Variants in EFCAB6 observed in about 807,000 individuals in gnomAD.
EFCAB6 encodes EF-hand calcium-binding domain-containing protein 6.
Under a neutral mutation model 169.8 loss-of-function variants are expected in EFCAB6, and 156 were observed. The ratio of observed to expected loss-of-function variants is 0.92; its 90% CI spans 0.81 to 1.05. The LOEUF (loss-of-function observed/expected upper bound fraction) is 1.05, where lower values mean the gene tolerates loss of function less well. Among genes scored for constraint, EFCAB6 ranks in the 50% least tolerant of loss-of-function variants. EFCAB6 has a pLI of 0.00. For synonymous variants in EFCAB6, 698 were observed against 676.4 expected, an observed-to-expected ratio of 1.03 and a Z score of -0.50; for missense variants, 1,800 against 1,829.1, an observed-to-expected ratio of 0.98 and a Z score of 0.29.
At chr22:43,630,673 C>G (rs1463832915) in intron 19 of EFCAB6, among the ~76,000 whole-genome samples, 2 of 152,180 alleles carry the variant, frequency 1.3e-5, no homozygotes, top group Non-Finnish European at 2.9e-5. Flanking sequence ...GCTCCTGGAG[C>G]CTTTGCCTCC....
Position 43,540,365 on chromosome 22 carries a change from A to T in EFCAB6, c.3649-8T>A, listed in dbSNP as rs756480710. The T allele has an allele frequency of 6.2e-7, 1 of 1,613,968 alleles. No individual in the cohort carries two copies. The highest frequency in any genetic ancestry group is 1.1e-5 in the South Asian group (1 of 91,076). On this transcript the variant is annotated splice_polypyrimidine_tract_variant and splice_region_variant and intron_variant, in intron 27 of 31. Transcript: ENST00000262726. ...GTTCCAGAGTCTGTCAAACTGGAGA[A>T]GGAGCAGAAGTCATTTCCCAGGTGT...
chr22:43,636,095 T>C (rs765197167), intron 17 of EFCAB6, among the ~76,000 whole-genome samples: 21 of 152,240 alleles, frequency 1.4e-4, no homozygotes, highest in Middle Eastern at 3.4e-3. Context: ...TCTAAATGCA[T>C]CTATGGGCCA....
intron 17 of EFCAB6, among the ~76,000 whole-genome samples, chr22:43,649,676 T>C (rs558426441): frequency 2.0e-5 from 3 of 151,974 alleles, no homozygotes; most frequent in Non-Finnish European, 4.4e-5. Flanking sequence ...TGTTGGAATA[T>C]CTTGCAGATT....
chr22:43,530,951 G>T lies in EFCAB6; in HGVS notation c.4247C>A (p.Ala1416Glu). The change falls in exon 31 of 32, where the codon GCG (alanine) becomes GAG (glutamate). Residue 1416 changes from alanine to glutamate, a missense_variant. Coordinates refer to ENST00000262726, the MANE Select transcript of EFCAB6 (RefSeq NM_022785.4). Reference sequence around the variant, plus strand: ...AGCAGAGTAAAAAGATGGCGTCTCCGCGCCGGCTTCTTTCTAGACACAAGA... The same window carrying T: ...AGCAGAGTAAAAAGATGGCGTCTCCTCGCCGGCTTCTTTCTAGACACAAGA... The part of the protein sequence containing the change: ...QNAHKMKEAG[A>E]ETPSFYSALL... The T allele has an allele frequency of 6.2e-7, 1 of 1,614,086 alleles. No individual in the cohort carries two copies. Among genetic ancestry groups the T allele is most frequent in the Non-Finnish European group, 8.5e-7 (1 of 1,180,016 alleles).
chr22:43,664,278 C>G (rs1044370330), intron 17 of EFCAB6, among the ~76,000 whole-genome samples: 10 of 152,216 alleles, frequency 6.6e-5, no homozygotes, highest in Admixed American at 6.5e-4. Context: ...TCATTTAGGG[C>G]TGCACTGGGG....
chr22:43,560,927 A>C (rs570077786), intron 26 of EFCAB6, among the ~76,000 whole-genome samples: 1 of 152,318 alleles, frequency 6.6e-6, no homozygotes, highest in African/African-American at 2.4e-5. Flanking sequence ...GGAGAAGCAG[A>C]AGCAGCCCAA....
At chr22:43,577,136 G>A (rs2050308803) in intron 25 of EFCAB6, among the ~76,000 whole-genome samples, 1 of 152,190 alleles carries the variant, frequency 6.6e-6, no homozygotes, top group African/African-American at 2.4e-5. Context: ...AGCAGCGGGG[G>A]CACACGTTGT....
chr22:43,685,185 C>A (rs764880994), intron 11 of EFCAB6, among the ~76,000 whole-genome samples: 4 of 152,200 alleles, frequency 2.6e-5, no homozygotes, highest in Non-Finnish European at 5.9e-5. Context: ...GGAGATGCCT[C>A]TGGGTACCAA....
At chr22:43,719,301 G>A (rs2059441558) in intron 8 of EFCAB6, among the ~76,000 whole-genome samples, 1 of 152,196 alleles carries the variant, frequency 6.6e-6, no homozygotes, top group African/African-American at 2.4e-5. Context: ...TCTGAAGGAT[G>A]ATGCTACCCA....
At chr22:43,533,316 C>T (rs2047194087) in intron 30 of EFCAB6, 1 of 152,258 alleles carries the variant, frequency 6.6e-6, no homozygotes, top group African/African-American at 2.4e-5. Context: ...CTTTTAGTTC[C>T]AATGTTGACC....
At chr22:43,678,308 G>A (rs948540371) in intron 12 of EFCAB6, 145 bp from the exon 13 acceptor site, 2 of 679,964 alleles carry the variant, frequency 2.9e-6, no homozygotes, top group African/African-American at 1.8e-5. Flanking sequence ...ATCGACTGAT[G>A]ATCCTTACAT....
intron 23 of EFCAB6, among the ~76,000 whole-genome samples, chr22:43,590,564 C>G (rs2051418007): frequency 6.6e-6 from 1 of 152,116 alleles, no homozygotes; most frequent in Non-Finnish European, 1.5e-5. Flanking sequence ...GAAATACACA[C>G]TCATTCTCAA....
rs1483467112 is a variant in EFCAB6 at position 43,628,430 on chromosome 22, C to T, written c.2233-1751G>A. On this transcript the variant is annotated intron_variant, in intron 19 of 31. Coordinates refer to ENST00000262726, the MANE Select transcript of EFCAB6 (RefSeq NM_022785.4). The surrounding 1 kb of genome is among the most constrained non-coding windows in gnomAD (Gnocchi z 4.8). ...GTCCTGCAGGAACCTCGTGATGGCT[C>T]CCAGCTGCCATCGTCGGCTCCGTGG... is the stretch of plus-strand genomic sequence containing the variant. Among the ~76,000 whole-genome samples the T allele has an allele frequency of 1.3e-5, 2 of 152,274 alleles. No homozygotes were observed. The highest frequency in any genetic ancestry group is 3.9e-4 in the East Asian group (2 of 5,168).
At chr22:43,636,502 T>A (rs2055406330) in intron 17 of EFCAB6, among the ~76,000 whole-genome samples, 1 of 152,102 alleles carries the variant, frequency 6.6e-6, no homozygotes. Context: ...GCACTCTTTC[T>A]AACCTCATTT....
intron 22 of EFCAB6, among the ~76,000 whole-genome samples, chr22:43,604,701 T>G (rs1034876079): frequency 3.4e-5 from 5 of 148,210 alleles, no homozygotes; most frequent in Non-Finnish European, 7.5e-5. Flanking sequence ...AAACCATGGG[T>G]TTTTTTTTTG....
Position 43,788,985 on chromosome 22 carries a change from A to G in EFCAB6, c.-7-6660T>C, listed in dbSNP as rs142722215. On this transcript the variant is annotated intron_variant, in intron 2 of 31. Transcript: ENST00000262726. ...CTAAGGCAAACCCCCAAAACCACAT[A>G]CTGTATCATTCCATTTATATAAAAT... 4.2e-4 allele frequency among the ~76,000 whole-genome samples: 64 copies of G among 152,314 alleles called. 1 individual carries two copies. In the Middle Eastern group the frequency reaches 0.02, roughly 49 times the overall value.
intron 2 of EFCAB6, among the ~76,000 whole-genome samples, chr22:43,787,602 G>C (rs1312672519): frequency 6.6e-6 from 1 of 152,062 alleles, no homozygotes; most frequent in Non-Finnish European, 1.5e-5. Context: ...GTTGAAAGTA[G>C]ACCTGAATAA....
intron 31 of EFCAB6, 190 bp downstream of exon 31, chr22:43,530,625 C>T (rs1460965239): frequency 1.0e-6 from 1 of 985,276 alleles, no homozygotes; most frequent in Non-Finnish European, 1.2e-6. Context: ...GAAGGAGAAC[C>T]CGGGGTCTGA....
intron 22 of EFCAB6, among the ~76,000 whole-genome samples, chr22:43,608,078 T>C (rs1332941397): frequency 6.6e-6 from 1 of 152,314 alleles, no homozygotes; most frequent in African/African-American, 2.4e-5. Flanking sequence ...TTTCCATCTA[T>C]AGGTAATGGG....
Sources: allele counts gnomAD v4.1 joint callset (sites outside exome capture counted in the v4.1 genomes callset), GRCh38; gene constraint gnomAD v4.1.1; non-coding constraint Gnocchi (gnomAD v3.1); transcripts MANE v1.5; gene names NCBI Gene and HGNC (gene_info 2026-07-23, HGNC 2026-07-21).